The following APPL1 variants were observed in gnomAD, a reference collection of about 807,000 sequenced individuals.
APPL1 encodes the protein adaptor protein, phosphotyrosine interacting with PH domain and leucine zipper 1.
A neutral mutation model predicts 106.8 loss-of-function variants in APPL1; 42 were observed. The ratio of observed to expected loss-of-function variants is 0.39; its 90% CI spans 0.31 to 0.51. The LOEUF (loss-of-function observed/expected upper bound fraction) is 0.51, where lower values mean the gene tolerates loss of function less well. APPL1 is among the 20% of genes least tolerant of loss of function. The pLI is 0.75. For synonymous variants in APPL1, 263 were observed against 281.8 expected, an observed-to-expected ratio of 0.93 and a Z score of 0.67; for missense variants, 769 against 858.2, an observed-to-expected ratio of 0.90 and a Z score of 1.30.
At chr3:57,247,578 T>A in intron 9 of APPL1, 101 bp downstream of exon 9, 15 of 775,112 alleles carry the variant, frequency 1.9e-5, no homozygotes, top group Non-Finnish European at 3.0e-5. Context: ...CCTGAGGGAA[T>A]ATTTTCCCTG....
chr3:57,245,064 G>A (rs1426621813), intron 7 of APPL1, among the ~76,000 whole-genome samples: 1 of 152,110 alleles, frequency 6.6e-6, no homozygotes, highest in Non-Finnish European at 1.5e-5. Context: ...CTTCAGTTTT[G>A]TACATTTTTA....
At chr3:57,231,322 G>A (rs1231446083) in intron 1 of APPL1, among the ~76,000 whole-genome samples, 8 of 132,992 alleles carry the variant, frequency 6.0e-5, no homozygotes, top group Non-Finnish European at 1.2e-4. Flanking sequence ...CCGGGCAACC[G>A]TGCGAGACTC....
At chr3:57,235,700 C>A in intron 2 of APPL1, 36 bp downstream of exon 2, 1 of 1,491,042 alleles carries the variant, frequency 6.7e-7, no homozygotes, top group East Asian at 2.3e-5. Flanking sequence ...GCTTTTAAAA[C>A]ACGAATCTTT....
At chr3:57,240,665 T>G in intron 5 of APPL1, 113 bp downstream of exon 5, 1 of 881,802 alleles carries the variant, frequency 1.1e-6, no homozygotes, top group South Asian at 1.6e-5. Context: ...CCACTCTTAC[T>G]TTGCTCAGTT....
At chr3:57,269,469 G>T in intron 21 of APPL1, 72 bp from the exon 22 acceptor site, 1 of 1,531,456 alleles carries the variant, frequency 6.5e-7, no homozygotes, top group Non-Finnish European at 8.9e-7. Flanking sequence ...TCTCAAGAAT[G>T]TATCTTAACT....
chr3:57,227,826 G>A lies in APPL1; in HGVS notation c.-58G>A. ...CGGGGTCAGCTGCGGCGGGCGGGCC[G>A]GCGCGGGGAGCTGTGGGCGGCAGCT... is the stretch of plus-strand genomic sequence containing the variant. On this transcript the variant is annotated 5_prime_UTR_variant, in exon 1 of 22. Coordinates refer to ENST00000288266, the MANE Select transcript of APPL1 (RefSeq NM_012096.3). 2 of 1,393,292 alleles carry A rather than the reference G, an allele frequency of 1.4e-6. No individual in the cohort carries two copies. Among genetic ancestry groups the A allele is most frequent in the Non-Finnish European group, 1.9e-6 (2 of 1,059,390 alleles). 86.3% of individuals were successfully genotyped at this position (1,393,292 alleles called of 1,614,324 possible). A position where few individuals can be genotyped will look rare whatever the true frequency, so the allele number is the denominator to read the frequency against.
At chr3:57,250,839 G>A (rs1358620264) in intron 11 of APPL1, among the ~76,000 whole-genome samples, 125 of 118,652 alleles carry the variant, frequency 1.1e-3, no homozygotes, top group Admixed American at 1.6e-3. Context: ...ACGGAGTCTC[G>A]CTCTGTCGCC....
chr3:57,264,844 A>G (rs1035220882), intron 19 of APPL1, among the ~76,000 whole-genome samples: 11 of 146,292 alleles, frequency 7.5e-5, no homozygotes, highest in Non-Finnish European at 1.3e-4. Flanking sequence ...TTTGGTTACT[A>G]TAGCTCTGTA....
chr3:57,267,921 A>T, intron 20 of APPL1, 129 bp downstream of exon 20: 1 of 904,826 alleles, frequency 1.1e-6, no homozygotes. Flanking sequence ...GTGAAACCCC[A>T]TTTCTACTAA....
chr3:57,246,822 G>A (rs1245849233), intron 8 of APPL1, among the ~76,000 whole-genome samples: 1 of 151,942 alleles, frequency 6.6e-6, no homozygotes, highest in Non-Finnish European at 1.5e-5. Context: ...CAGCAACGTA[G>A]GGAGACCCCA....
rs766912781 is a variant in APPL1 at position 57,267,689 on chromosome 3, T to G, written c.1843-53T>G. On this transcript the variant is annotated intron_variant, in intron 19 of 21. Transcript: ENST00000288266. ...CATCAGTTATTTGGATACTTGACAT[T>G]TTTGCTTTGTTGTGAGAACTGCCTG... The G allele has an allele frequency of 4.7e-6, 7 of 1,500,502 alleles. No individual in the cohort carries two copies. In the Admixed American group the frequency reaches 1.2e-4, roughly 25 times the overall value. 92.9% of individuals were successfully genotyped at this position (1,500,502 alleles called of 1,614,324 possible). A position where few individuals can be genotyped will look rare whatever the true frequency, so the allele number is the denominator to read the frequency against.
chr3:57,249,037 C>T (rs1228398472), intron 10 of APPL1, among the ~76,000 whole-genome samples: 2 of 152,080 alleles, frequency 1.3e-5, no homozygotes, highest in Non-Finnish European at 2.9e-5. Flanking sequence ...AGCAGGTTAA[C>T]CCTAGAAATA....
chr3:57,240,906 G>A (rs2060743063), intron 5 of APPL1, among the ~76,000 whole-genome samples: 2 of 152,212 alleles, frequency 1.3e-5, no homozygotes, highest in Non-Finnish European at 2.9e-5. Flanking sequence ...GAACAGTGAA[G>A]AGGAATTTGC....
intron 4 of APPL1, among the ~76,000 whole-genome samples, chr3:57,238,741 A>G (rs2060730080): frequency 6.6e-6 from 1 of 152,220 alleles, no homozygotes; most frequent in South Asian, 2.1e-4. Context: ...TTACCGGGAA[A>G]TCAAGATAAA....
chr3:57,228,627 G>T lies in APPL1; in HGVS notation c.54+690G>T, dbSNP rs72875884. Among the ~76,000 whole-genome samples the T allele has an allele frequency of 0.047, 7,195 of 152,346 alleles. 594 individuals are homozygous for T. Among genetic ancestry groups the T allele is most frequent in the African/African-American group, 0.16 (6,675 of 41,558 alleles). ...CATCAAAATAAAAGCCCTGTGTTCT[G>T]TGCGTCGGAATGATGCTGATGTGGT... On this transcript the variant is annotated intron_variant, in intron 1 of 21. Coordinates refer to ENST00000288266, the MANE Select transcript of APPL1 (RefSeq NM_012096.3). The surrounding 1 kb of genome is among the most constrained non-coding windows in gnomAD (Gnocchi z 4.6).
chr3:57,229,994 G>C lies in APPL1; in HGVS notation c.54+2057G>C, dbSNP rs569772141. On this transcript the variant is annotated intron_variant, in intron 1 of 21. Transcript: ENST00000288266. Reference sequence around the variant, plus strand: ...CTCTCAAAGTGCTGGGATTACAGGTGTGAGCCACTGCGCCTGGCCTGTGCC... The same window carrying C: ...CTCTCAAAGTGCTGGGATTACAGGTCTGAGCCACTGCGCCTGGCCTGTGCC... Among the ~76,000 whole-genome samples the C allele has an allele frequency of 9.7e-4, 147 of 152,290 alleles. 2 individuals are homozygous for C. The highest frequency in any genetic ancestry group is 7.1e-4 in the Non-Finnish European group (48 of 68,024).
intron 16 of APPL1, 94 bp downstream of exon 16, chr3:57,259,174 A>C: frequency 2.5e-5 from 26 of 1,029,100 alleles, no homozygotes; most frequent in Non-Finnish European, 3.5e-5. Context: ...TACTAAGCTC[A>C]GTTTTAATGC....
In APPL1 at chr3:57,259,065, A is replaced by G; in HGVS notation, c.1468A>G (p.Lys490Glu). The G allele has an allele frequency of 6.2e-7, 1 of 1,612,854 alleles. No individual in the cohort carries two copies. The highest frequency in any genetic ancestry group is 2.2e-5 in the East Asian group (1 of 44,780). Residue 490 changes from lysine (K) to glutamate (E), a missense_variant, in exon 16 of 22, where the codon AAA becomes GAA. Physicochemically the swap from Lys to Glu is moderately conservative, Grantham distance 56 (BLOSUM62 1). Transcript: ENST00000288266. The part of the protein sequence containing the change: ...NPFGESGGST[K>E]SETEDSILHQ... ...ATTTGGAGAATCTGGAGGAAGTACA[A>G]AATCTGAAACTGAAGGTAAGACAGA...
chr3:57,256,865 C>G (rs539753043), intron 13 of APPL1, 92 bp from the exon 14 acceptor site: 2 of 986,154 alleles, frequency 2.0e-6, no homozygotes, highest in South Asian at 2.7e-5. Context: ...TTAAGTGTAA[C>G]TCAGAAGCAT....
Sources: allele counts gnomAD v4.1 joint callset (sites outside exome capture counted in the v4.1 genomes callset), GRCh38; gene constraint gnomAD v4.1.1; non-coding constraint Gnocchi (gnomAD v3.1); transcripts MANE v1.5; gene names NCBI Gene and HGNC (gene_info 2026-07-23, HGNC 2026-07-21).